Variants in NAA38 observed in about 807,000 individuals in gnomAD.
NAA38 encodes N-alpha-acetyltransferase 38, NatC auxiliary subunit.
NAA38 carries 15 observed loss-of-function variants against 12.6 expected under a neutral mutation model. That is an observed-to-expected ratio of 1.19 (90% CI 0.79 to 1.83). NAA38 has a LOEUF of 1.83. Among genes scored for constraint, NAA38 ranks in the 40% most tolerant of loss-of-function variants. The pLI, the probability that NAA38 is intolerant of heterozygous loss-of-function variation, is 0.00. For synonymous variants in NAA38, 88 were observed against 69.9 expected, an observed-to-expected ratio of 1.26 and a Z score of -1.29; for missense variants, 183 against 171.7, an observed-to-expected ratio of 1.07 and a Z score of -0.37.
chr17:7,874,306 C>T (rs925577977), intron 2 of NAA38, among the ~76,000 whole-genome samples: 11 of 152,006 alleles, frequency 7.2e-5, no homozygotes, highest in Non-Finnish European at 1.3e-4. Context: ...AAAGGAAGTC[C>T]AGAGATGGGG....
chr17:7,866,560 TG>T, intron 2 of NAA38: 2 of 1,208,480 alleles, frequency 1.7e-6, no homozygotes, highest in Non-Finnish European at 2.1e-6. Flanking sequence ...TTTCAGTTTC[TG>T]AAATGCCCCC....
At chr17:7,879,417 G>A (rs969409600) in intron 2 of NAA38, among the ~76,000 whole-genome samples, 2 of 151,972 alleles carry the variant, frequency 1.3e-5, no homozygotes, top group African/African-American at 2.4e-5. Context: ...TCGTAACACC[G>A]TGAAAACATA....
At chr17:7,874,941 T>A (rs1477434957) in intron 2 of NAA38, among the ~76,000 whole-genome samples, 1 of 145,650 alleles carries the variant, frequency 6.9e-6, no homozygotes, top group Admixed American at 6.9e-5. Context: ...ACACCTGTAA[T>A]CCCAACACTT....
chr17:7,858,680 G>T (rs765984443), upstream of NAA38: 19 of 1,610,986 alleles, frequency 1.2e-5, no homozygotes, highest in Non-Finnish European at 1.7e-6. Context: ...TGCACGTTCC[G>T]CCTCAGCTGC....
upstream of NAA38, chr17:7,859,687 G>A (rs919525654): frequency 2.1e-6 from 3 of 1,406,366 alleles, no homozygotes; most frequent in African/African-American, 4.2e-5. Flanking sequence ...AGGAAAAGTG[G>A]TGGGGCCGAG....
rs768980684 is a variant in NAA38, at chr17:7,857,474, G to A, written c.-11C>T. The A allele has an allele frequency of 2.6e-6, 4 of 1,522,470 alleles. No homozygotes were observed. The highest frequency in any genetic ancestry group is 4.6e-5 in the East Asian group (2 of 43,304). The allele number at this position is 1,522,470 out of a possible 1,614,324, so 94.3% of individuals were successfully genotyped here. A position where few individuals can be genotyped will look rare whatever the true frequency, so the allele number is the denominator to read the frequency against. On this transcript the variant is annotated 5_prime_UTR_variant, in exon 1 of 3. Transcript: ENST00000575771. ...TCCAGCTCCGGCCATTTGCCCGGAGGCCTCCTCTGGGCCTTTCAACTTCCT... is the reference window on the plus strand; with the variant it reads ...TCCAGCTCCGGCCATTTGCCCGGAGACCTCCTCTGGGCCTTTCAACTTCCT...
At chr17:7,857,860 CCCG>C, upstream of NAA38, 1 of 1,379,214 alleles carries the variant, frequency 7.3e-7, no homozygotes, top group East Asian at 2.8e-5. Context: ...TCTGCCCCAC[CCCG>C]CAACTCCTGA....
intron 2 of NAA38, among the ~76,000 whole-genome samples, chr17:7,879,481 G>A (rs1474600529): frequency 6.6e-6 from 1 of 151,640 alleles, no homozygotes; most frequent in Non-Finnish European, 1.5e-5. Context: ...AACTTTCTAC[G>A]ATCCTAAAAG....
At chr17:7,870,286 T>A (rs991101282) in intron 2 of NAA38, among the ~76,000 whole-genome samples, 4 of 152,042 alleles carry the variant, frequency 2.6e-5, no homozygotes, top group South Asian at 4.1e-4. Context: ...ATAAAATAAA[T>A]TTTTAAAAGC....
At chr17:7,885,299 A>G (rs1259536398), upstream of NAA38, 4 of 85,562 alleles carry the variant, frequency 4.7e-5, no homozygotes, top group South Asian at 3.8e-4. Context: ...CCCCCGCCGC[A>G]CCCCTCCCCC....
intron 1 of NAA38, among the ~76,000 whole-genome samples, chr17:7,883,933 G>T (rs1490312644): frequency 6.6e-6 from 1 of 152,010 alleles, no homozygotes; most frequent in Non-Finnish European, 1.5e-5. Flanking sequence ...TATCTAACTA[G>T]TTAACCTTTA....
intron 2 of NAA38, among the ~76,000 whole-genome samples, chr17:7,872,763 A>G (rs886683451): frequency 1.3e-5 from 2 of 152,200 alleles, no homozygotes; most frequent in Non-Finnish European, 1.5e-5. Context: ...CCATTTATCA[A>G]TTATGCATCA....
upstream of NAA38, chr17:7,861,880 T>A (rs531757414): frequency 7.2e-5 from 11 of 152,360 alleles, no homozygotes; most frequent in Non-Finnish European, 1.3e-4. Context: ...AATTCAAAGA[T>A]CTTGTATAAA....
At chr17:7,880,366 G>A (rs1171396922) in intron 2 of NAA38, among the ~76,000 whole-genome samples, 1 of 151,936 alleles carries the variant, frequency 6.6e-6, no homozygotes, top group Non-Finnish European at 1.5e-5. Flanking sequence ...CAGGAAAACA[G>A]GCAGTAAAAA....
intron 2 of NAA38, among the ~76,000 whole-genome samples, chr17:7,882,978 G>A (rs1488137600): frequency 6.6e-6 from 1 of 152,158 alleles, no homozygotes; most frequent in Non-Finnish European, 1.5e-5. Context: ...CAAAGGAATG[G>A]GAGGAAGCTA....
intron 2 of NAA38, among the ~76,000 whole-genome samples, chr17:7,880,002 A>AGC (rs1967243232): frequency 6.7e-6 from 1 of 149,592 alleles, no homozygotes; most frequent in Non-Finnish European, 1.5e-5. Context: ...CAGACAGGCA[A>AGC]ACAGAGAGAG....
chr17:7,868,274 G>A (rs1370364981), intron 2 of NAA38, among the ~76,000 whole-genome samples: 1 of 152,170 alleles, frequency 6.6e-6, no homozygotes, highest in Non-Finnish European at 1.5e-5. Flanking sequence ...GCACAGAAGA[G>A]AGGGGAGCGG....
intron 2 of NAA38, among the ~76,000 whole-genome samples, chr17:7,879,557 G>A (rs1243886028): frequency 6.6e-6 from 1 of 151,876 alleles, no homozygotes; most frequent in African/African-American, 2.4e-5. Context: ...CTTGGCTTGA[G>A]AGTCCCTTAA....
intron 1 of NAA38, chr17:7,883,389 C>G (rs192885762): frequency 6.6e-6 from 1 of 152,224 alleles, no homozygotes; most frequent in Admixed American, 6.5e-5. Flanking sequence ...TTGACTCTTT[C>G]CTCTTTATCC....
Sources: gnomAD v4.1 joint callset for allele counts (sites outside exome capture counted in the v4.1 genomes callset) on GRCh38, gnomAD v4.1.1 for gene constraint, MANE v1.5 for transcripts, NCBI Gene and HGNC (gene_info 2026-07-23, HGNC 2026-07-21) for gene names.